The following NAALADL2 variants were observed in gnomAD, a reference collection of about 807,000 sequenced individuals.
NAALADL2 encodes the protein N-acetylated alpha-linked acidic dipeptidase like 2.
In NAALADL2, 76 loss-of-function variants were observed where a neutral mutation model predicts 87.2. The observed-to-expected ratio is 0.87, with a 90% CI of 0.72 to 1.05. NAALADL2 has a LOEUF of 1.05. Among genes scored for constraint, NAALADL2 ranks in the 50% least tolerant of loss-of-function variants. The pLI, the probability that NAALADL2 is intolerant of heterozygous loss-of-function variation, is 0.00. For synonymous variants in NAALADL2, 354 were observed against 331.0 expected, an observed-to-expected ratio of 1.07 and a Z score of -0.75; for missense variants, 1,089 against 945.8, an observed-to-expected ratio of 1.15 and a Z score of -1.99.
Position 175,755,259 on chromosome 3 carries a change from T to C in NAALADL2, c.2030T>C (p.Leu677Ser), listed in dbSNP as rs9826737. 0.94 allele frequency: 1,520,514 copies of C among 1,613,410 alleles called. 717,084 individuals carry two copies. The highest frequency in any genetic ancestry group is 1 in the East Asian group (44,847 of 44,850). ...PNTHQLLAMA[L>S]RLRESAELFQ... ...ACTCATCAACTGTTAGCCATGGCGT[T>C]ACGCCTGCGGGAGAGTGCTGAACTT... Residue 677 changes from leucine (L) to serine (S), a missense_variant, in exon 13 of 14, where the codon TTA (leucine) becomes TCA (serine). Coordinates refer to ENST00000454872, the MANE Select transcript of NAALADL2 (RefSeq NM_207015.3).
At chr3:175,653,242 T>C (rs988324413) in intron 11 of NAALADL2, among the ~76,000 whole-genome samples, 4 of 151,500 alleles carry the variant, frequency 2.6e-5, no homozygotes, top group Non-Finnish European at 4.4e-5. Flanking sequence ...AAAAAATCAG[T>C]GTAACTTTAC....
At chr3:175,779,385 C>T (rs1031997022) in intron 13 of NAALADL2, among the ~76,000 whole-genome samples, 1 of 152,022 alleles carries the variant, frequency 6.6e-6, no homozygotes, top group Non-Finnish European at 1.5e-5. Context: ...TTGATACTGA[C>T]CACCCAGTAT....
At chr3:174,979,330 G>A (rs1348717583) in intron 1 of NAALADL2, among the ~76,000 whole-genome samples, 1 of 130,334 alleles carries the variant, frequency 7.7e-6, no homozygotes, top group Non-Finnish European at 1.5e-5. Context: ...TTTTGAGACG[G>A]AGTCTCGCTC....
chr3:174,471,521 C>A (rs767494214), intron 1 of NAALADL2, among the ~76,000 whole-genome samples: 2 of 152,148 alleles, frequency 1.3e-5, no homozygotes, highest in Non-Finnish European at 1.5e-5. Context: ...GAGAGGTGAT[C>A]CAGCCTATTG....
intron 2 of NAALADL2, among the ~76,000 whole-genome samples, chr3:175,221,985 T>C (rs1474436278): frequency 1.3e-5 from 2 of 152,052 alleles, no homozygotes; most frequent in Non-Finnish European, 2.9e-5. Context: ...TTTCACCATG[T>C]TGCCCAGGCT....
intron 5 of NAALADL2, among the ~76,000 whole-genome samples, chr3:175,334,043 G>A (rs934569049): frequency 3.3e-5 from 5 of 151,970 alleles, no homozygotes; most frequent in African/African-American, 4.8e-5. Context: ...TTGAATGCAC[G>A]CTTACTTTCT....
intron 8 of NAALADL2, among the ~76,000 whole-genome samples, chr3:175,471,227 T>C (rs1448827281): frequency 6.6e-6 from 1 of 151,998 alleles, no homozygotes; most frequent in East Asian, 1.9e-4. Context: ...GGCTCACGTC[T>C]ATAATCCCAG....
intron 1 of NAALADL2, among the ~76,000 whole-genome samples, chr3:174,946,317 T>G (rs1457343927): frequency 6.6e-6 from 1 of 152,100 alleles, no homozygotes; most frequent in Non-Finnish European, 1.5e-5. Context: ...GTAAATAAAG[T>G]ATTTCACAAA....
At chr3:174,940,189 G>A (rs1030583627) in intron 1 of NAALADL2, among the ~76,000 whole-genome samples, 5 of 152,016 alleles carry the variant, frequency 3.3e-5, no homozygotes, top group Non-Finnish European at 7.4e-5. Context: ...ATGTTCCTTC[G>A]ATATAGTTTA....
chr3:175,617,608 C>G (rs1490822466), intron 10 of NAALADL2, among the ~76,000 whole-genome samples: 1 of 152,178 alleles, frequency 6.6e-6, no homozygotes, highest in Non-Finnish European at 1.5e-5. Flanking sequence ...TATTTTCCCT[C>G]TCTTGGGCCT....
At chr3:175,079,139 G>GT (rs1559997275) in intron 1 of NAALADL2, among the ~76,000 whole-genome samples, 1 of 152,088 alleles carries the variant, frequency 6.6e-6, no homozygotes, top group African/African-American at 2.4e-5. Context: ...GTGTGAATTG[G>GT]TTTTTTATTG....
intron 2 of NAALADL2, among the ~76,000 whole-genome samples, chr3:174,615,707 CCTCT>C (rs1189949401): frequency 6.6e-6 from 1 of 152,006 alleles, no homozygotes; most frequent in Admixed American, 6.6e-5. Flanking sequence ...CTTCCTGCTG[CCTCT>C]CTCTTTCTCT....
chr3:175,639,004 T>C (rs1178482150), intron 11 of NAALADL2, among the ~76,000 whole-genome samples: 1 of 152,208 alleles, frequency 6.6e-6, no homozygotes, highest in Middle Eastern at 3.2e-3. Flanking sequence ...TGTCCCAACA[T>C]GCCTAACAGT....
In NAALADL2 at chr3:175,784,620, GTCTA is replaced by G. The variant is rs1399957822; in HGVS notation, c.2190-18379_2190-18376del. On this transcript the variant is annotated intron_variant, in intron 13 of 13. Transcript: ENST00000454872. ...TTTTTCTTTATTAGTCTTGCTAGTG[GTCTA>G]TCTATTTTGTTGATCCTTTCAAAAA... 7.0e-3 allele frequency among the ~76,000 whole-genome samples: 1,006 copies of G among 142,856 alleles called. 5 individuals are homozygous for G. The highest frequency in any genetic ancestry group is 0.026 in the African/African-American group (925 of 35,394). 93.7% of individuals were successfully genotyped at this position (142,856 alleles called of 152,430 possible).
At chr3:174,910,285 A>G (rs527470447) in intron 1 of NAALADL2, among the ~76,000 whole-genome samples, 2 of 152,230 alleles carry the variant, frequency 1.3e-5, no homozygotes, top group East Asian at 3.9e-4. Flanking sequence ...ATATTTTGGC[A>G]TGCTAACTTA....
At chr3:174,826,696 A>G (rs941430962) in intron 3 of NAALADL2, among the ~76,000 whole-genome samples, 1 of 152,296 alleles carries the variant, frequency 6.6e-6, no homozygotes. Context: ...GGTTTTTGTA[A>G]GAATAAAATC....
At chr3:174,892,979 G>A (rs563250117) in intron 1 of NAALADL2, among the ~76,000 whole-genome samples, 1 of 148,338 alleles carries the variant, frequency 6.7e-6, no homozygotes, top group African/African-American at 2.5e-5. Flanking sequence ...ATTTAACCCA[G>A]ATATGACTAA....
chr3:175,077,259 C>T (rs756854932), intron 1 of NAALADL2, among the ~76,000 whole-genome samples: 21 of 152,106 alleles, frequency 1.4e-4, no homozygotes, highest in African/African-American at 1.9e-4. Context: ...ATGTGTAAAA[C>T]GATTGGAGAG....
chr3:175,801,529 T>C (rs1754146776), intron 13 of NAALADL2, among the ~76,000 whole-genome samples: 2 of 152,072 alleles, frequency 1.3e-5, no homozygotes, highest in Non-Finnish European at 2.9e-5. Flanking sequence ...TGCTGTCCTG[T>C]CTTCATCTCT....
Sources: allele counts gnomAD v4.1 joint callset (sites outside exome capture counted in the v4.1 genomes callset), GRCh38; gene constraint gnomAD v4.1.1; transcripts MANE v1.5; gene names NCBI Gene and HGNC (gene_info 2026-07-23, HGNC 2026-07-21).